The following SHROOM3 variants were observed in gnomAD, a reference collection of about 807,000 sequenced individuals.
SHROOM3 encodes the protein shroom family member 3, also known as protein Shroom3.
In SHROOM3, 47 loss-of-function variants were observed where a neutral mutation model predicts 138.6. The observed-to-expected ratio is 0.34, with a 90% CI of 0.27 to 0.43. The LOEUF (loss-of-function observed/expected upper bound fraction) is 0.43. Ranked by LOEUF, SHROOM3 falls within the 20% of genes least tolerant of loss-of-function variation. SHROOM3 has a pLI of 1.00. For missense variants in SHROOM3, 2,491 were observed against 2,596.5 expected (o/e 0.96, Z 0.88); for synonymous variants, 1,062 against 1,063.3 (o/e 1.00, Z 0.02).
rs1446032487 is a variant in SHROOM3 at position 76,740,440 on chromosome 4, T to C, written c.2267T>C (p.Leu756Pro). ...PAPSHPHTSS[L>P]GRRGPGPGSA... ...CCCTCGCACCCGCACACATCCAGTC[T>C]GGGCCGGAGGGGGCCCGGCCCAGGC... The change falls in exon 5 of 11, where the codon CTG becomes CCG. Residue 756 changes from leucine to proline, a missense_variant. By Grantham distance (98) the Leu-to-Pro change is moderately conservative. Around this residue, in one of 4 missense-constraint regions of SHROOM3, gnomAD observed 1,733 missense variants for 1,661.6 expected, o/e 1.04. Coordinates refer to ENST00000296043, the MANE Select transcript of SHROOM3 (RefSeq NM_020859.4). This position sits in a 1 kb window ranked among gnomAD's most constrained non-coding sequence, Gnocchi z 4.0. The C allele has an allele frequency of 6.2e-6, 10 of 1,612,174 alleles. No individual in the cohort carries two copies. Among genetic ancestry groups the C allele is most frequent in the Non-Finnish European group, 7.6e-6 (9 of 1,179,112 alleles).
At chr4:76,767,874 C>T (rs879503780) in intron 9 of SHROOM3, among the ~76,000 whole-genome samples, 2 of 152,086 alleles carry the variant, frequency 1.3e-5, no homozygotes, top group Non-Finnish European at 2.9e-5. Flanking sequence ...TTGTTTCTTT[C>T]CACTATTTGG....
chr4:76,709,126 C>G (rs575601551), intron 2 of SHROOM3, among the ~76,000 whole-genome samples: 1 of 152,216 alleles, frequency 6.6e-6, no homozygotes, highest in Non-Finnish European at 1.5e-5. Flanking sequence ...CACTTCCGTT[C>G]TGTGTTCCAG....
chr4:76,499,010 T>G (rs531954259), intron 1 of SHROOM3, among the ~76,000 whole-genome samples: 147 of 152,330 alleles, frequency 9.7e-4, no homozygotes, highest in African/African-American at 3.2e-3. Context: ...CACAGGCACA[T>G]GATAGGAACA....
In SHROOM3 at chr4:76,754,514, C is replaced by T. The variant is rs1721737662; in HGVS notation, c.4031C>T (p.Thr1344Ile). The T allele has an allele frequency of 2.5e-6, 4 of 1,613,950 alleles. No individual in the cohort carries two copies. The highest frequency in any genetic ancestry group is 2.5e-6 in the Non-Finnish European group (3 of 1,179,900). ...PPLAGTQGLV[T>I]DTRAAPLTPI... ...CTGGCAGGAACGCAAGGGCTGGTCA[C>T]AGACACCAGGGCTGCACCCCTGACC... is the stretch of plus-strand genomic sequence containing the variant. The change falls in exon 7 of 11, where the codon ACA (threonine) becomes ATA (isoleucine). Residue 1344 changes from threonine to isoleucine, a missense_variant. By Grantham distance (89) the Thr-to-Ile change is moderately conservative. Around this residue, in one of 4 missense-constraint regions of SHROOM3, gnomAD observed 1,733 missense variants for 1,661.6 expected, o/e 1.04. Coordinates refer to ENST00000296043, the MANE Select transcript of SHROOM3 (RefSeq NM_020859.4).
intron 2 of SHROOM3, among the ~76,000 whole-genome samples, chr4:76,624,962 A>T (rs986004353): frequency 6.6e-6 from 1 of 152,214 alleles, no homozygotes; most frequent in Non-Finnish European, 1.5e-5. Context: ...ACCTCAGTAC[A>T]ATGATATTAT....
chr4:76,452,701 G>A (rs749098901), intron 1 of SHROOM3, among the ~76,000 whole-genome samples: 1 of 152,122 alleles, frequency 6.6e-6, no homozygotes, highest in East Asian at 1.9e-4. Context: ...GTACATTTGA[G>A]TTTAAGTCTT....
intron 1 of SHROOM3, among the ~76,000 whole-genome samples, chr4:76,485,563 G>C (rs1731712154): frequency 6.6e-6 from 1 of 152,156 alleles, no homozygotes; most frequent in Admixed American, 6.5e-5. Context: ...TATGGATTTG[G>C]GAGGGTGAAG....
chr4:76,594,058 A>G (rs928560525), intron 2 of SHROOM3, among the ~76,000 whole-genome samples: 7 of 152,204 alleles, frequency 4.6e-5, no homozygotes, highest in African/African-American at 1.7e-4. Flanking sequence ...CTCTTAACCC[A>G]ATGACAGAGC....
chr4:76,742,190 A>T, intron 5 of SHROOM3: 1 of 523,766 alleles, frequency 1.9e-6, no homozygotes, highest in Non-Finnish European at 3.4e-6. Flanking sequence ...GGAAGTCACC[A>T]CCTCTCAATG....
intron 9 of SHROOM3, among the ~76,000 whole-genome samples, chr4:76,765,111 A>ATT (rs34890356): frequency 1.4e-5 from 2 of 140,806 alleles, no homozygotes; most frequent in Admixed American, 7.1e-5. Flanking sequence ...TCTGCCAGTG[A>ATT]TTTTTTTTTT....
chr4:76,649,745 T>A (rs1735912317), intron 2 of SHROOM3, among the ~76,000 whole-genome samples: 1 of 152,230 alleles, frequency 6.6e-6, no homozygotes, highest in Admixed American at 6.5e-5. Context: ...GAAATCACTG[T>A]CAAAATTGTC....
chr4:76,473,287 T>A (rs146958476), intron 1 of SHROOM3, among the ~76,000 whole-genome samples: 2 of 152,306 alleles, frequency 1.3e-5, no homozygotes, highest in African/African-American at 2.4e-5. Flanking sequence ...GTCTGGTATC[T>A]AGACTATATG....
At chr4:76,588,023 T>G (rs1734187835) in intron 2 of SHROOM3, among the ~76,000 whole-genome samples, 1 of 152,206 alleles carries the variant, frequency 6.6e-6, no homozygotes, top group Non-Finnish European at 1.5e-5. Context: ...ATAAATACCC[T>G]CATCTTATTC....
At chr4:76,769,302 A>G (rs1560623097) in intron 9 of SHROOM3, among the ~76,000 whole-genome samples, 2 of 151,782 alleles carry the variant, frequency 1.3e-5, no homozygotes, top group Non-Finnish European at 2.9e-5. Context: ...GTATGTACAT[A>G]CAGAGAATTT....
At chr4:76,445,878 G>T (rs1730795095) in intron 1 of SHROOM3, among the ~76,000 whole-genome samples, 1 of 152,066 alleles carries the variant, frequency 6.6e-6, no homozygotes, top group African/African-American at 2.4e-5. Flanking sequence ...AACAGGACAG[G>T]GCTTTCCAAA....
rs1004073197 is a variant in SHROOM3 at position 76,720,153 on chromosome 4, T to G, written c.455+9866T>G. 4.7e-3 allele frequency among the ~76,000 whole-genome samples: 112 copies of G among 23,586 alleles called. 1 individual carries two copies. Among genetic ancestry groups the G allele is most frequent in the Admixed American group, 0.037 (96 of 2,566 alleles). The allele number at this position is 23,586 out of a possible 152,430, so 15.5% of individuals were successfully genotyped here. A position where few individuals can be genotyped will look rare whatever the true frequency, so the allele number is the denominator to read the frequency against. On this transcript the variant is annotated intron_variant, in intron 3 of 10. Coordinates refer to ENST00000296043, the MANE Select transcript of SHROOM3 (RefSeq NM_020859.4). ...AGCCTTGGAAAAGTGTTTTTTAGGT[T>G]TTTTTTTTTTTTTTTTTTTTTTTTT...
At chr4:76,620,070 CAAAAAAAAAAAAAAAA>C (rs68039696) in intron 2 of SHROOM3, among the ~76,000 whole-genome samples, 1 of 61,098 alleles carries the variant, frequency 1.6e-5, no homozygotes, top group Non-Finnish European at 3.2e-5. Context: ...GAATCTATCT[CAAAAAAAAAAAAAAAA>C]AAAAAAAGAA....
chr4:76,595,427 A>T (rs190715839), intron 2 of SHROOM3, among the ~76,000 whole-genome samples: 51 of 152,316 alleles, frequency 3.3e-4, no homozygotes, highest in African/African-American at 1.1e-3. Flanking sequence ...CACCCTTAGC[A>T]TGATGATTTT....
At chr4:76,579,424 T>C (rs538606647) in intron 2 of SHROOM3, among the ~76,000 whole-genome samples, 26 of 152,302 alleles carry the variant, frequency 1.7e-4, no homozygotes, top group South Asian at 1.0e-3. Context: ...GCCGAGATCG[T>C]GCCACTGCAC....
Sources: allele counts gnomAD v4.1 joint callset (sites outside exome capture counted in the v4.1 genomes callset), GRCh38; gene constraint gnomAD v4.1.1; regional missense constraint gnomAD v4.1.1; non-coding constraint Gnocchi (gnomAD v3.1); transcripts MANE v1.5; gene names NCBI Gene and HGNC (gene_info 2026-07-23, HGNC 2026-07-21).